KCNIP4: variants seen among roughly 807,000 people sequenced by gnomAD.
KCNIP4 encodes Kv channel-interacting protein 4.
In KCNIP4, 12 loss-of-function variants were observed where a neutral mutation model predicts 34.0. The observed-to-expected ratio is 0.35, with a 90% CI of 0.23 to 0.57. The LOEUF is 0.57. Ranked by LOEUF, KCNIP4 falls within the 20% of genes least tolerant of loss-of-function variation. KCNIP4 has a pLI of 0.83. For missense variants in KCNIP4, 238 were observed against 311.7 expected (o/e 0.76, Z 1.78); for synonymous variants, 124 against 102.2 (o/e 1.21, Z -1.29).
At chr4:20,730,230 C>A (rs781680078) in intron 8 of KCNIP4, 101 bp from the exon 9 acceptor site, 9 of 1,371,980 alleles carry the variant, frequency 6.6e-6, no homozygotes, top group Non-Finnish European at 7.8e-6. Flanking sequence ...ACCACCTCAA[C>A]CACCTATGCC....
At chr4:21,152,879 T>G (rs1337428572) in intron 1 of KCNIP4, among the ~76,000 whole-genome samples, 1 of 152,174 alleles carries the variant, frequency 6.6e-6, no homozygotes, top group East Asian at 1.9e-4. Context: ...TCGAACAGTT[T>G]CCTCTCGAAA....
chr4:21,830,504 C>T (rs529197716), intron 1 of KCNIP4, among the ~76,000 whole-genome samples: 3 of 152,052 alleles, frequency 2.0e-5, no homozygotes, highest in South Asian at 4.2e-4. Context: ...AATGAAACCC[C>T]GTTTCTACTA....
intron 1 of KCNIP4, among the ~76,000 whole-genome samples, chr4:21,320,643 C>T (rs1163420719): frequency 3.3e-5 from 5 of 152,058 alleles, no homozygotes; most frequent in African/African-American, 1.2e-4. Flanking sequence ...GCTTGCCTGG[C>T]CCCAGTCTAG....
In KCNIP4 at chr4:21,663,240, G is replaced by A. The variant is rs115712174; in HGVS notation, c.61+285331C>T. ...ATTAAATGGATGACATTACTTAAAT[G>A]TCATCAAATGGTTAATGGATGACAT... On this transcript the variant is annotated intron_variant, in intron 1 of 8. Coordinates refer to ENST00000382152, the MANE Select transcript of KCNIP4 (RefSeq NM_025221.6). Among the ~76,000 whole-genome samples, 332 of 152,294 alleles carry A rather than the reference G, an allele frequency of 2.2e-3. 3 individuals are homozygous for A. Among genetic ancestry groups the A allele is most frequent in the African/African-American group, 7.6e-3 (317 of 41,554 alleles).
intron 1 of KCNIP4, among the ~76,000 whole-genome samples, chr4:20,953,055 T>C (rs1466931036): frequency 6.6e-6 from 1 of 152,222 alleles, no homozygotes; most frequent in Admixed American, 6.5e-5. Flanking sequence ...AATACCATCA[T>C]TTTGAGAATT....
chr4:21,148,137 C>A (rs1382743324), intron 1 of KCNIP4, among the ~76,000 whole-genome samples: 1 of 152,030 alleles, frequency 6.6e-6, no homozygotes, highest in African/African-American at 2.4e-5. Flanking sequence ...AATGGCTTAA[C>A]CTTTGATGTA....
chr4:21,904,022 T>A (rs1475480736), intron 1 of KCNIP4, among the ~76,000 whole-genome samples: 2 of 152,214 alleles, frequency 1.3e-5, no homozygotes, highest in Non-Finnish European at 2.9e-5. Context: ...AACTTGATTT[T>A]GCTTTACTTC....
intron 1 of KCNIP4, among the ~76,000 whole-genome samples, chr4:21,907,729 T>C (rs570026003): frequency 6.6e-6 from 1 of 152,312 alleles, no homozygotes; most frequent in South Asian, 2.1e-4. Context: ...GATTTTTAAA[T>C]ATTTTTTCCA....
intron 1 of KCNIP4, among the ~76,000 whole-genome samples, chr4:21,533,292 G>A (rs146946067): frequency 5.9e-5 from 9 of 152,002 alleles, no homozygotes; most frequent in African/African-American, 1.7e-4. Flanking sequence ...TATACAACAC[G>A]ATGCTATTCC....
At chr4:21,942,008 G>T (rs1024579995) in intron 1 of KCNIP4, among the ~76,000 whole-genome samples, 1 of 152,136 alleles carries the variant, frequency 6.6e-6, no homozygotes. Flanking sequence ...AAGAAGAGGA[G>T]ATACAGCCAC....
At chr4:21,926,411 A>G (rs1293172152) in intron 1 of KCNIP4, among the ~76,000 whole-genome samples, 1 of 152,148 alleles carries the variant, frequency 6.6e-6, no homozygotes, top group Non-Finnish European at 1.5e-5. Flanking sequence ...AAAAACTATA[A>G]CTTTGCTCGA....
In KCNIP4 at chr4:21,738,977, A is replaced by G. The variant is rs137872869; in HGVS notation, c.61+209594T>C. On this transcript the variant is annotated intron_variant, in intron 1 of 8. Coordinates refer to ENST00000382152, the MANE Select transcript of KCNIP4 (RefSeq NM_025221.6). ...TCTTGATTCGGCTTTCATTAAAATC[A>G]TAGTGAAATCACAGGCATGTATTTC... is the stretch of plus-strand genomic sequence containing the variant. 8.7e-3 allele frequency among the ~76,000 whole-genome samples: 1,330 copies of G among 152,292 alleles called. 19 individuals carry two copies. Among genetic ancestry groups the G allele is most frequent in the South Asian group, 0.038 (185 of 4,820 alleles).
intron 1 of KCNIP4, among the ~76,000 whole-genome samples, chr4:21,748,348 A>C (rs1716919928): frequency 6.6e-6 from 1 of 152,182 alleles, no homozygotes; most frequent in African/African-American, 2.4e-5. Flanking sequence ...GATTATCTCA[A>C]TTGCATAGGA....
chr4:21,680,722 A>T (rs1750279765), intron 1 of KCNIP4, among the ~76,000 whole-genome samples: 1 of 152,238 alleles, frequency 6.6e-6, no homozygotes. Context: ...CTCTTGAATG[A>T]CTAGGCGCAT....
At chr4:20,973,004 C>T (rs928629775) in intron 1 of KCNIP4, among the ~76,000 whole-genome samples, 4 of 152,172 alleles carry the variant, frequency 2.6e-5, no homozygotes, top group African/African-American at 9.7e-5. Context: ...GGAATCGAAT[C>T]CTGGTGAAGT....
intron 1 of KCNIP4, among the ~76,000 whole-genome samples, chr4:21,708,953 T>C (rs1190301115): frequency 6.6e-6 from 1 of 152,206 alleles, no homozygotes; most frequent in Non-Finnish European, 1.5e-5. Context: ...CAGCATGCTA[T>C]TTTCTCCCCT....
chr4:21,932,557 T>C (rs891123295), intron 1 of KCNIP4, among the ~76,000 whole-genome samples: 7 of 152,076 alleles, frequency 4.6e-5, no homozygotes, highest in African/African-American at 1.7e-4. Context: ...ATATCAGACT[T>C]TTCTCTTTAT....
intron 1 of KCNIP4, among the ~76,000 whole-genome samples, chr4:21,495,190 G>C (rs577169200): frequency 6.0e-5 from 9 of 150,076 alleles, no homozygotes; most frequent in African/African-American, 2.0e-4. Flanking sequence ...TGGATGTTAG[G>C]ATGTTGGGTT....
chr4:20,823,213 G>A (rs932324844), intron 3 of KCNIP4, among the ~76,000 whole-genome samples: 1 of 152,192 alleles, frequency 6.6e-6, no homozygotes, highest in Non-Finnish European at 1.5e-5. Context: ...ACTATGTCCT[G>A]TATGACTGGC....
Sources: allele counts gnomAD v4.1 joint callset (sites outside exome capture counted in the v4.1 genomes callset), GRCh38; gene constraint gnomAD v4.1.1; transcripts MANE v1.5; gene names NCBI Gene and HGNC (gene_info 2026-07-23, HGNC 2026-07-21).